The following RBP7 variants were observed in gnomAD, a reference collection of about 807,000 sequenced individuals.
The protein encoded by RBP7 is retinoid-binding protein 7.
Under a neutral mutation model 16.7 loss-of-function variants are expected in RBP7, and 13 were observed. That is an observed-to-expected ratio of 0.78 (90% CI 0.51 to 1.24). The LOEUF is 1.24. Among genes scored for constraint, RBP7 ranks in the 50% most tolerant of loss-of-function variants. The probability of loss-of-function intolerance (pLI) is 0.00; values close to 1 mark genes in which losing one functional copy is unlikely to be tolerated. For synonymous variants in RBP7, 54 were observed against 56.2 expected, an observed-to-expected ratio of 0.96 and a Z score of 0.17; for missense variants, 145 against 159.5, an observed-to-expected ratio of 0.91 and a Z score of 0.49.
At chr1:10,006,101 T>G (rs1279222416) in intron 1 of RBP7, among the ~76,000 whole-genome samples, 3 of 152,216 alleles carry the variant, frequency 2.0e-5, no homozygotes, top group Admixed American at 6.6e-5. Flanking sequence ...GTGGTGTTTA[T>G]TTCTAGCTAC....
chr1:10,013,995 G>C (rs926903396), intron 3 of RBP7, among the ~76,000 whole-genome samples: 3 of 151,866 alleles, frequency 2.0e-5, no homozygotes, highest in African/African-American at 7.3e-5. Context: ...AAGGAGTAAG[G>C]CCTTGTCTCC....
At chr1:10,009,358 C>T (rs948298667) in intron 3 of RBP7, among the ~76,000 whole-genome samples, 2 of 151,764 alleles carry the variant, frequency 1.3e-5, no homozygotes, top group African/African-American at 4.8e-5. Flanking sequence ...TGCAGTGAGC[C>T]AAGATCGCAC....
At chr1:10,006,751 G>GTA (rs763226271) in intron 1 of RBP7, among the ~76,000 whole-genome samples, 8,516 of 138,102 alleles carry the variant, frequency 0.062, 405 homozygotes, top group East Asian at 0.14. Context: ...GTGTGTGTGT[G>GTA]TATATATATA....
intron 1 of RBP7, chr1:10,007,014 T>C (rs1642466031): frequency 2.5e-6 from 1 of 399,738 alleles, no homozygotes; most frequent in South Asian, 1.8e-5. Context: ...TGGTGTGATC[T>C]TGGCTCACTG....
At position 9,997,641 on chromosome 1, in the gene RBP7, G is replaced by A. The variant is rs1052548328; in HGVS notation, c.73+310G>A. Reference sequence around the variant, plus strand: ...CCCACCCGTCCGTCCCTGAGTGCCCGCGTCCAGCCCCACGTCCGTCTCTAC... The same window carrying A: ...CCCACCCGTCCGTCCCTGAGTGCCCACGTCCAGCCCCACGTCCGTCTCTAC... On this transcript the variant is annotated intron_variant, in intron 1 of 3. Coordinates refer to ENST00000294435, the MANE Select transcript of RBP7 (RefSeq NM_052960.3). The surrounding 1 kb of genome is among the most constrained non-coding windows in gnomAD (Gnocchi z 5.9). Among the ~76,000 whole-genome samples the A allele has an allele frequency of 6.8e-5, 10 of 147,682 alleles. No homozygotes were observed. The highest frequency in any genetic ancestry group is 1.0e-4 in the Non-Finnish European group (7 of 66,904).
intron 3 of RBP7, among the ~76,000 whole-genome samples, chr1:10,009,412 TAAAAC>T (rs1390254823): frequency 6.6e-6 from 1 of 150,640 alleles, no homozygotes. Flanking sequence ...CAAAAAAAAA[TAAAAC>T]AAAATAAGGG....
chr1:10,004,373 T>C (rs1005899565), intron 1 of RBP7: 1 of 150,460 alleles, frequency 6.6e-6, no homozygotes, highest in Middle Eastern at 3.4e-3. Context: ...CCCAGCCAGA[T>C]TGATGGATTG....
intron 1 of RBP7, among the ~76,000 whole-genome samples, chr1:10,002,214 T>C: frequency 6.6e-6 from 1 of 152,174 alleles, no homozygotes; most frequent in Non-Finnish European, 1.5e-5. Flanking sequence ...AAGGTTAATA[T>C]AAACATCTGA....
intron 1 of RBP7, 81 bp from the exon 2 acceptor site, chr1:10,007,489 G>A (rs1036728435): frequency 1.6e-5 from 16 of 985,406 alleles, no homozygotes; most frequent in Non-Finnish European, 2.4e-5. Flanking sequence ...ATTACATGTG[G>A]TGATTTTGAG....
At chr1:10,011,756 T>TA (rs1490650522) in intron 3 of RBP7, among the ~76,000 whole-genome samples, 1 of 152,052 alleles carries the variant, frequency 6.6e-6, no homozygotes, top group East Asian at 1.9e-4. Context: ...CTTCTGACGA[T>TA]AAAAAAGTAA....
chr1:9,999,275 G>T (rs901857694), intron 1 of RBP7, among the ~76,000 whole-genome samples: 1 of 151,860 alleles, frequency 6.6e-6, no homozygotes. Flanking sequence ...TGCCAGGCTC[G>T]GTGGCTCACG....
chr1:9,997,535 G>C lies in RBP7; in HGVS notation c.73+204G>C, dbSNP rs948056534. Among the ~76,000 whole-genome samples, 2 of 151,444 alleles carry C rather than the reference G, an allele frequency of 1.3e-5. No homozygotes were observed. The highest frequency in any genetic ancestry group is 1.3e-4 in the Admixed American group (2 of 15,194). ...GGGACCCCAGTCCTTCAGTCCCCCA[G>C]TCCGTCCTTTCCCGCGCCCACCCGC... is the stretch of plus-strand genomic sequence containing the variant. On this transcript the variant is annotated intron_variant, in intron 1 of 3. Coordinates refer to ENST00000294435, the MANE Select transcript of RBP7 (RefSeq NM_052960.3). This position sits in a 1 kb window ranked among gnomAD's most constrained non-coding sequence, Gnocchi z 5.9.
chr1:9,998,091 C>A (rs1046875977), intron 1 of RBP7, among the ~76,000 whole-genome samples: 1 of 152,212 alleles, frequency 6.6e-6, no homozygotes, highest in Non-Finnish European at 1.5e-5. Flanking sequence ...TCGGTTCAAG[C>A]GATTCTCCTG....
At chr1:10,013,408 G>A (rs1299941998) in intron 3 of RBP7, among the ~76,000 whole-genome samples, 1 of 152,080 alleles carries the variant, frequency 6.6e-6, no homozygotes, top group Non-Finnish European at 1.5e-5. Flanking sequence ...GTTGCTGGGT[G>A]TGGTGGTTCA....
chr1:10,015,073 T>C (rs1410354714), intron 3 of RBP7, among the ~76,000 whole-genome samples: 1 of 152,086 alleles, frequency 6.6e-6, no homozygotes, highest in Non-Finnish European at 1.5e-5. Flanking sequence ...GTAGGCCAGG[T>C]GTGGTGGCTT....
At chr1:10,013,236 C>A (rs1362343848) in intron 3 of RBP7, among the ~76,000 whole-genome samples, 2 of 151,916 alleles carry the variant, frequency 1.3e-5, no homozygotes, top group African/African-American at 2.4e-5. Flanking sequence ...CCATGCCCAG[C>A]TAATTTTTAT....
rs1300480362 is a variant in RBP7, at chr1:9,997,418, C to A, written c.73+87C>A. On this transcript the variant is annotated intron_variant, in intron 1 of 3. Coordinates refer to ENST00000294435, the MANE Select transcript of RBP7 (RefSeq NM_052960.3). This position sits in a 1 kb window ranked among gnomAD's most constrained non-coding sequence, Gnocchi z 5.9. ...GGCGGCCGGGCCGGGCCTGTAGGTACGTCCTCTGTCCGTGCCTCCGCCCTG... is the reference window on the plus strand; with the variant it reads ...GGCGGCCGGGCCGGGCCTGTAGGTAAGTCCTCTGTCCGTGCCTCCGCCCTG... The A allele has an allele frequency of 4.4e-5, 57 of 1,308,068 alleles. No individual in the cohort carries two copies. Among genetic ancestry groups the A allele is most frequent in the Admixed American group, 1.7e-4 (9 of 54,408 alleles). The allele number at this position is 1,308,068 out of a possible 1,614,324, so 81.0% of individuals were successfully genotyped here. A position where few individuals can be genotyped will look rare whatever the true frequency, so the allele number is the denominator to read the frequency against.
intron 1 of RBP7, among the ~76,000 whole-genome samples, chr1:9,998,744 G>A (rs903876107): frequency 2.0e-5 from 3 of 152,080 alleles, no homozygotes; most frequent in Admixed American, 6.6e-5. Flanking sequence ...CATCTTAGTT[G>A]ATAAAGGGGC....
In RBP7 at chr1:9,997,357, G is replaced by T; in HGVS notation, c.73+26G>T. 6.2e-7 allele frequency: 1 copy of T among 1,604,902 alleles called. No homozygotes were observed. Among genetic ancestry groups the T allele is most frequent in the Non-Finnish European group, 8.5e-7 (1 of 1,175,286 alleles). On this transcript the variant is annotated intron_variant, in intron 1 of 3. Transcript: ENST00000294435. The surrounding 1 kb of genome is among the most constrained non-coding windows in gnomAD (Gnocchi z 5.9). ...GTAAGGCGGAGGGGAGGCGGCGGCG[G>T]CGCGAGGCTCGCCGTGGGTCTCGGG... is the stretch of plus-strand genomic sequence containing the variant.
Sources: allele counts gnomAD v4.1 joint callset (sites outside exome capture counted in the v4.1 genomes callset), GRCh38; gene constraint gnomAD v4.1.1; non-coding constraint Gnocchi (gnomAD v3.1); transcripts MANE v1.5; gene names NCBI Gene and HGNC (gene_info 2026-07-23, HGNC 2026-07-21).